The following FMN2 variants were observed in gnomAD, a reference collection of about 807,000 sequenced individuals.
FMN2 encodes the protein formin-2.
FMN2 carries 51 observed loss-of-function variants against 142.3 expected under a neutral mutation model. That is an observed-to-expected ratio of 0.36 (90% confidence interval 0.29 to 0.45). The LOEUF (loss-of-function observed/expected upper bound fraction) is 0.45. FMN2 is among the 20% of genes least tolerant of loss of function. The probability of loss-of-function intolerance (pLI) is 1.00; values close to 1 mark genes in which losing one functional copy is unlikely to be tolerated. For missense variants in FMN2, 1,936 were observed against 2,122.8 expected (o/e 0.91, Z 1.73); for synonymous variants, 882 against 869.8 (o/e 1.01, Z -0.25).
At chr1:240,318,462 T>C (rs12021548) in intron 8 of FMN2, among the ~76,000 whole-genome samples, 24,953 of 151,910 alleles carry the variant, frequency 0.16, 2,076 homozygotes, top group South Asian at 0.23. Context: ...CTAAGCTTCT[T>C]TAGCACCCAC....
intron 13 of FMN2, among the ~76,000 whole-genome samples, chr1:240,348,834 C>A (rs1672002513): frequency 6.6e-6 from 1 of 152,152 alleles, no homozygotes; most frequent in Non-Finnish European, 1.5e-5. Flanking sequence ...AATGTTTTTA[C>A]TGTTTCTATG....
intron 7 of FMN2, among the ~76,000 whole-genome samples, chr1:240,279,757 TTAA>T (rs1669335609): frequency 6.6e-6 from 1 of 152,072 alleles, no homozygotes; most frequent in Non-Finnish European, 1.5e-5. Context: ...CAAGGAAACA[TTAA>T]AGTAATTTTT....
rs764626617 is a variant in FMN2, at chr1:240,262,759, C to CTTT, written c.4153+4745_4153+4747dup. Among the ~76,000 whole-genome samples, 804 of 117,750 alleles carry CTTT rather than the reference C, an allele frequency of 6.8e-3. 24 individuals are homozygous for CTTT. Among genetic ancestry groups the CTTT allele is most frequent in the African/African-American group, 0.023 (726 of 30,946 alleles). The allele number at this position is 117,750 out of a possible 152,430, so 77.2% of individuals were successfully genotyped here. A position where few individuals can be genotyped will look rare whatever the true frequency, so the allele number is the denominator to read the frequency against. On this transcript the variant is annotated intron_variant, in intron 7 of 17. Coordinates refer to ENST00000319653, the MANE Select transcript of FMN2 (RefSeq NM_020066.5). ...AACAAATGTAAAGTGAAAACTTTTA[C>CTTT]TTTTTTTTTTTTTTTTTTTTGAGAC...
intron 14 of FMN2, among the ~76,000 whole-genome samples, chr1:240,369,818 G>A (rs551943056): frequency 6.6e-6 from 1 of 152,084 alleles, no homozygotes; most frequent in Non-Finnish European, 1.5e-5. Flanking sequence ...TCATCAGGAG[G>A]CACTACCAAC....
chr1:240,321,548 A>T (rs1444160116), intron 8 of FMN2, among the ~76,000 whole-genome samples: 1 of 152,222 alleles, frequency 6.6e-6, no homozygotes, highest in African/African-American at 2.4e-5. Flanking sequence ...ATAAATTTTT[A>T]TGTAACATAG....
intron 6 of FMN2, among the ~76,000 whole-genome samples, chr1:240,221,735 T>TTTGTC (rs1195846570): frequency 1.6e-4 from 25 of 152,252 alleles, no homozygotes; most frequent in Middle Eastern, 3.4e-3. Flanking sequence ...GCTCTTTAAT[T>TTTGTC]AGATCCCGTT....
chr1:240,369,935 T>G (rs1672808697), intron 14 of FMN2, among the ~76,000 whole-genome samples: 1 of 152,140 alleles, frequency 6.6e-6, no homozygotes, highest in Non-Finnish European at 1.5e-5. Context: ...GATTCCTATG[T>G]GAGAGAGTTT....
chr1:240,106,840 C>T (rs1047588728), intron 1 of FMN2, among the ~76,000 whole-genome samples: 12 of 151,778 alleles, frequency 7.9e-5, no homozygotes, highest in Middle Eastern at 6.8e-3. Flanking sequence ...CCCACCACCA[C>T]GCCCAGCTAA....
chr1:240,150,721 T>C (rs1663728485), intron 2 of FMN2, among the ~76,000 whole-genome samples: 2 of 152,174 alleles, frequency 1.3e-5, no homozygotes, highest in Admixed American at 1.3e-4. Context: ...TGTCATTTGA[T>C]CTTTAACACC....
chr1:240,170,493 C>T, intron 2 of FMN2: 2 of 1,489,240 alleles, frequency 1.3e-6, no homozygotes, highest in Non-Finnish European at 1.9e-6. Context: ...AATCCTAAAA[C>T]TAACCTTGCC....
rs79895938 is a variant in FMN2, at chr1:240,371,834, A to G, written c.4858+15926A>G. Among the ~76,000 whole-genome samples, 135 of 152,256 alleles carry G rather than the reference A, an allele frequency of 8.9e-4. 1 individual carries two copies. The highest frequency in any genetic ancestry group is 3.9e-3 in the South Asian group (19 of 4,820). ...CCTAAGTCTCCTCTGAAGATAAGCA[A>G]CACTTGTGAGACAGATGTGTCACAC... is the stretch of plus-strand genomic sequence containing the variant. On this transcript the variant is annotated intron_variant, in intron 14 of 17. Coordinates refer to ENST00000319653, the MANE Select transcript of FMN2 (RefSeq NM_020066.5).
intron 14 of FMN2, among the ~76,000 whole-genome samples, chr1:240,364,103 G>A (rs930704075): frequency 1.3e-5 from 2 of 152,080 alleles, no homozygotes; most frequent in African/African-American, 4.8e-5. Flanking sequence ...TGACTCTTTA[G>A]GTCAGTCTGA....
chr1:240,255,589 C>T (rs1195272740), intron 6 of FMN2, among the ~76,000 whole-genome samples: 1 of 152,084 alleles, frequency 6.6e-6, no homozygotes, highest in Admixed American at 6.5e-5. Flanking sequence ...GATACCAGAC[C>T]AGAGTATGCA....
chr1:240,371,791 G>T (rs1477976430), intron 14 of FMN2, among the ~76,000 whole-genome samples: 1 of 152,156 alleles, frequency 6.6e-6, no homozygotes. Flanking sequence ...TGTGTTTGTT[G>T]TACGTTGTCT....
intron 2 of FMN2, among the ~76,000 whole-genome samples, chr1:240,128,751 C>T (rs1052262994): frequency 6.6e-6 from 1 of 152,166 alleles, no homozygotes; most frequent in Non-Finnish European, 1.5e-5. Flanking sequence ...AAAGATGAAG[C>T]TGTTAATCAA....
intron 14 of FMN2, among the ~76,000 whole-genome samples, chr1:240,367,516 T>C (rs1572236932): frequency 1.3e-5 from 2 of 152,136 alleles, no homozygotes; most frequent in African/African-American, 4.8e-5. Context: ...ACGCCTGTAA[T>C]CCCAGCACTT....
At chr1:240,266,075 A>G (rs1166612807) in intron 7 of FMN2, among the ~76,000 whole-genome samples, 1 of 142,282 alleles carries the variant, frequency 7.0e-6, no homozygotes, top group Non-Finnish European at 1.5e-5. Context: ...GTACATGTGT[A>G]GGTTTGTTAT....
chr1:240,265,577 C>A (rs1168473129), intron 7 of FMN2, among the ~76,000 whole-genome samples: 104 of 152,256 alleles, frequency 6.8e-4, no homozygotes, highest in Admixed American at 1.8e-3. Flanking sequence ...TTAGACTTCC[C>A]AGCTTTCAGA....
At chr1:240,437,903 T>C (rs548749374) in intron 15 of FMN2, among the ~76,000 whole-genome samples, 158 bp from the exon 16 acceptor site, 1 of 152,314 alleles carries the variant, frequency 6.6e-6, no homozygotes, top group Admixed American at 6.5e-5. Flanking sequence ...CTCTTAACCT[T>C]AAACCATAAG....
Sources: gnomAD v4.1 joint callset for allele counts (sites outside exome capture counted in the v4.1 genomes callset) on GRCh38, gnomAD v4.1.1 for gene constraint, MANE v1.5 for transcripts, NCBI Gene and HGNC (gene_info 2026-07-23, HGNC 2026-07-21) for gene names.